ROBO2: variants seen among roughly 807,000 people sequenced by gnomAD.
ROBO2 encodes the protein roundabout homolog 2.
ROBO2 carries 53 observed loss-of-function variants against 160.8 expected under a neutral mutation model. That is an observed-to-expected ratio of 0.33 (90% CI 0.26 to 0.41). ROBO2 has a LOEUF of 0.41. Ranked by LOEUF, ROBO2 falls within the 10% of genes least tolerant of loss-of-function variation. ROBO2 has a pLI of 1.00. For missense variants in ROBO2, 1,577 were observed against 1,722.4 expected (o/e 0.92, Z 1.49); for synonymous variants, 664 against 611.7 (o/e 1.09, Z -1.26).
chr3:76,044,956 G>A (rs1181037356), intron 2 of ROBO2, among the ~76,000 whole-genome samples: 51 of 152,144 alleles, frequency 3.4e-4, no homozygotes, highest in South Asian at 6.2e-4. Flanking sequence ...TAAGCTGTTT[G>A]AAAAACTGAT....
At chr3:76,472,972 G>T (rs1225937066) in intron 2 of ROBO2, among the ~76,000 whole-genome samples, 1 of 152,162 alleles carries the variant, frequency 6.6e-6, no homozygotes, top group Non-Finnish European at 1.5e-5. Context: ...GAATCGAGAA[G>T]ACTATCAGTG....
At chr3:77,247,949 G>A (rs933508499) in intron 2 of ROBO2, among the ~76,000 whole-genome samples, 2 of 152,166 alleles carry the variant, frequency 1.3e-5, no homozygotes, top group Admixed American at 6.5e-5. Context: ...CCAAAAGTAA[G>A]AGCTTGCATC....
At chr3:77,426,727 AG>A (rs2153537638) in intron 2 of ROBO2, among the ~76,000 whole-genome samples, 1 of 148,808 alleles carries the variant, frequency 6.7e-6, no homozygotes, top group South Asian at 2.2e-4. Context: ...GAAGGAAGGA[AG>A]GAAGGAAAGT....
At chr3:77,290,120 A>G (rs1456921530) in intron 2 of ROBO2, among the ~76,000 whole-genome samples, 1 of 152,074 alleles carries the variant, frequency 6.6e-6, no homozygotes, top group East Asian at 1.9e-4. Context: ...AGATCACCAA[A>G]GACATAAAGT....
rs1354229072 is a variant in ROBO2 at position 77,527,388 on chromosome 3, T to C, written c.934+4486T>C. ...TCTTTTTTATGTTCTCACCACACCA[T>C]TGTAATGTCTACAGCTCGCCCTGTT... On this transcript the variant is annotated intron_variant, in intron 6 of 25. Coordinates refer to ENST00000461745, the Ensembl canonical transcript of ROBO2. 9 of 1,287,826 alleles carry C rather than the reference T, an allele frequency of 7.0e-6. No homozygotes were observed. Among genetic ancestry groups the C allele is most frequent in the Non-Finnish European group, 8.1e-6 (8 of 987,768 alleles). The allele number at this position is 1,287,826 out of a possible 1,614,324, so 79.8% of individuals were successfully genotyped here.
At chr3:76,568,349 G>A (rs971896717) in intron 2 of ROBO2, among the ~76,000 whole-genome samples, 24 of 152,066 alleles carry the variant, frequency 1.6e-4, no homozygotes, top group Admixed American at 4.6e-4. Context: ...CCAGGCTGGA[G>A]TGCAGTGGTG....
chr3:76,144,358 C>G (rs966977102), intron 2 of ROBO2, among the ~76,000 whole-genome samples: 1 of 151,948 alleles, frequency 6.6e-6, no homozygotes, highest in Non-Finnish European at 1.5e-5. Flanking sequence ...TTCCATGAAG[C>G]CTTCATTTGT....
intron 2 of ROBO2, among the ~76,000 whole-genome samples, chr3:76,335,829 T>G (rs1297666514): frequency 6.6e-6 from 1 of 151,748 alleles, no homozygotes; most frequent in East Asian, 2.0e-4. Flanking sequence ...GCCCGCCTCG[T>G]CCTCCCAAAG....
At chr3:77,609,705 T>G (rs1348673184) in intron 21 of ROBO2, among the ~76,000 whole-genome samples, 2 of 151,160 alleles carry the variant, frequency 1.3e-5, no homozygotes, top group African/African-American at 2.4e-5. Flanking sequence ...TGGTGCAAAT[T>G]TTTATTATTT....
intron 2 of ROBO2, among the ~76,000 whole-genome samples, chr3:76,931,206 G>GA (rs5850303): frequency 0.45 from 68,337 of 151,690 alleles, 15,706 homozygotes; most frequent in African/African-American, 0.54. Flanking sequence ...GTGAAAATTA[G>GA]AAAAAAAATT....
intron 2 of ROBO2, chr3:77,316,962 G>C: frequency 7.1e-7 from 1 of 1,402,962 alleles, no homozygotes; most frequent in Non-Finnish European, 1.0e-6. Flanking sequence ...GCGTGTTACT[G>C]TTTCCTGCTG....
chr3:76,698,948 GGTT>G, intron 2 of ROBO2, among the ~76,000 whole-genome samples: 1 of 152,130 alleles, frequency 6.6e-6, no homozygotes, highest in Non-Finnish European at 1.5e-5. Context: ...AGAAAGTAAA[GGTT>G]ATTTTTTAAA....
At chr3:77,129,344 T>C (rs931579599) in intron 2 of ROBO2, among the ~76,000 whole-genome samples, 1 of 152,208 alleles carries the variant, frequency 6.6e-6, no homozygotes, top group Non-Finnish European at 1.5e-5. Context: ...TAAATCATTA[T>C]AACTAGGCTC....
chr3:76,388,724 T>G (rs1454473024), intron 2 of ROBO2, among the ~76,000 whole-genome samples: 1 of 152,150 alleles, frequency 6.6e-6, no homozygotes, highest in Non-Finnish European at 1.5e-5. Context: ...TGTTAATTGA[T>G]AACTCTATTT....
chr3:76,964,766 G>A (rs2079948947), intron 2 of ROBO2, among the ~76,000 whole-genome samples: 1 of 152,106 alleles, frequency 6.6e-6, no homozygotes, highest in African/African-American at 2.4e-5. Context: ...ATAGGTTCTA[G>A]TATTCCCAAA....
Position 76,038,468 on chromosome 3 carries a change from C to G in ROBO2, c.109+100866C>G, listed in dbSNP as rs563444549. The stretch of plus-strand genomic sequence containing the variant: ...TGATGGGTGCTGTGATTACTGCCCT[C>G]TTAAGGGTGGCCTCAACTACCTGCA... On this transcript the variant is annotated intron_variant, in intron 2 of 26. Transcript: ENST00000487694. Among the ~76,000 whole-genome samples, 296 of 152,056 alleles carry G rather than the reference C, an allele frequency of 1.9e-3. 4 individuals carry two copies. The highest frequency in any genetic ancestry group is 3.0e-3 in the Non-Finnish European group (207 of 68,020).
At chr3:76,597,880 T>C (rs1401142956) in intron 2 of ROBO2, among the ~76,000 whole-genome samples, 1 of 137,662 alleles carries the variant, frequency 7.3e-6, no homozygotes, top group Non-Finnish European at 1.6e-5. Flanking sequence ...GAACTTGTTC[T>C]TTTTTATGGC....
At chr3:76,158,706 G>A (rs1326433623) in intron 2 of ROBO2, among the ~76,000 whole-genome samples, 4 of 152,036 alleles carry the variant, frequency 2.6e-5, no homozygotes, top group South Asian at 2.1e-4. Flanking sequence ...GCATTGTCCC[G>A]CTTCCTTTCT....
intron 2 of ROBO2, among the ~76,000 whole-genome samples, chr3:77,452,012 A>G (rs2081169609): frequency 6.6e-6 from 1 of 152,066 alleles, no homozygotes. Context: ...GAGTGAGAAC[A>G]TGCGGTGTTT....
Sources: allele counts gnomAD v4.1 joint callset (sites outside exome capture counted in the v4.1 genomes callset), GRCh38; gene constraint gnomAD v4.1.1; transcripts MANE v1.5; gene names NCBI Gene and HGNC (gene_info 2026-07-23, HGNC 2026-07-21).